Variants in ZNF385D observed in about 807,000 individuals in gnomAD.
ZNF385D encodes the protein zinc finger protein 385D.
A neutral mutation model predicts 35.8 loss-of-function variants in ZNF385D; 15 were observed. That is an observed-to-expected ratio of 0.42 (90% CI 0.28 to 0.64). The LOEUF (loss-of-function observed/expected upper bound fraction) is 0.64. ZNF385D is among the 30% of genes least tolerant of loss of function. The probability of loss-of-function intolerance (pLI) is 0.23; values close to 1 mark genes in which losing one functional copy is unlikely to be tolerated. For missense variants in ZNF385D, 474 were observed against 494.6 expected, an observed-to-expected ratio of 0.96 and a Z score of 0.39; for synonymous variants, 212 against 186.8, an observed-to-expected ratio of 1.13 and a Z score of -1.10.
At chr3:22,348,153 T>G (rs1324308868) in intron 2 of ZNF385D, among the ~76,000 whole-genome samples, 1 of 152,120 alleles carries the variant, frequency 6.6e-6, no homozygotes, top group East Asian at 1.9e-4. Flanking sequence ...ATTAACTGGC[T>G]TTTTCTTAAG....
At chr3:21,687,276 G>A (rs189486259) in intron 1 of ZNF385D, among the ~76,000 whole-genome samples, 81 of 152,288 alleles carry the variant, frequency 5.3e-4, no homozygotes, top group South Asian at 4.1e-4. Flanking sequence ...ATAGGCAGAG[G>A]AAGTGCTCAA....
At chr3:21,973,990 T>C (rs1160264113) in intron 3 of ZNF385D, among the ~76,000 whole-genome samples, 1 of 152,046 alleles carries the variant, frequency 6.6e-6, no homozygotes, top group East Asian at 1.9e-4. Context: ...AAAATGTATA[T>C]ATTGCTCAAA....
chr3:21,478,539 A>G (rs1704394001), intron 4 of ZNF385D, among the ~76,000 whole-genome samples: 1 of 152,216 alleles, frequency 6.6e-6, no homozygotes, highest in African/African-American at 2.4e-5. Flanking sequence ...AGTGAAGAAC[A>G]AACCTTTGTT....
chr3:21,453,880 A>G (rs953882661), intron 4 of ZNF385D, among the ~76,000 whole-genome samples: 3 of 152,092 alleles, frequency 2.0e-5, no homozygotes, highest in South Asian at 2.1e-4. Flanking sequence ...AACTAAAAAT[A>G]TATGTATAAA....
At chr3:22,116,138 A>G (rs576583275) in intron 3 of ZNF385D, among the ~76,000 whole-genome samples, 38 of 152,208 alleles carry the variant, frequency 2.5e-4, no homozygotes, top group Admixed American at 1.4e-3. Flanking sequence ...ATCTTTATAA[A>G]TCAGTGAATT....
chr3:22,094,617 C>A (rs1005249971), intron 3 of ZNF385D, among the ~76,000 whole-genome samples: 9 of 151,812 alleles, frequency 5.9e-5, no homozygotes, highest in African/African-American at 1.9e-4. Context: ...TTGAGGACAT[C>A]TCAGCCATCC....
At chr3:22,126,907 C>T (rs1177868701) in intron 3 of ZNF385D, among the ~76,000 whole-genome samples, 1 of 152,042 alleles carries the variant, frequency 6.6e-6, no homozygotes, top group Non-Finnish European at 1.5e-5. Flanking sequence ...TGAATTCATT[C>T]CTGTAAAATT....
intron 1 of ZNF385D, among the ~76,000 whole-genome samples, chr3:21,687,155 C>G (rs796610256): frequency 2.6e-5 from 4 of 152,120 alleles, no homozygotes; most frequent in Non-Finnish European, 5.9e-5. Flanking sequence ...GAACCCAGAT[C>G]CACAGTCAAC....
At chr3:21,864,196 G>C (rs904929505) in intron 3 of ZNF385D, among the ~76,000 whole-genome samples, 1 of 152,010 alleles carries the variant, frequency 6.6e-6, no homozygotes, top group Non-Finnish European at 1.5e-5. Context: ...TTAAAACCCT[G>C]AGTTCACTAC....
intron 1 of ZNF385D, among the ~76,000 whole-genome samples, chr3:21,690,284 G>A (rs976791816): frequency 2.6e-5 from 4 of 151,578 alleles, no homozygotes; most frequent in Admixed American, 6.6e-5. Flanking sequence ...TCCATATAAC[G>A]AAAATTCAAA....
intron 2 of ZNF385D, among the ~76,000 whole-genome samples, chr3:22,317,280 C>CAAAAAAAA (rs59675675): frequency 1.1e-4 from 3 of 26,098 alleles, no homozygotes; most frequent in African/African-American, 1.7e-4. Flanking sequence ...ACTCCATCTC[C>CAAAAAAAA]AAAAAAAAAA....
At chr3:22,245,679 A>T (rs1313786851) in intron 2 of ZNF385D, among the ~76,000 whole-genome samples, 1 of 146,230 alleles carries the variant, frequency 6.8e-6, no homozygotes, top group Admixed American at 6.9e-5. Flanking sequence ...ACTATGAAGG[A>T]TTCAAGTGAA....
At chr3:22,240,261 C>T (rs2093602184) in intron 2 of ZNF385D, among the ~76,000 whole-genome samples, 1 of 149,576 alleles carries the variant, frequency 6.7e-6, no homozygotes, top group African/African-American at 2.5e-5. Context: ...TTCTGGCTTG[C>T]AATGCAGTTT....
At chr3:22,235,208 C>A (rs2125304276) in intron 2 of ZNF385D, among the ~76,000 whole-genome samples, 2 of 152,178 alleles carry the variant, frequency 1.3e-5, no homozygotes, top group Middle Eastern at 6.8e-3. Context: ...AAAATCTGTG[C>A]ATTTCACATA....
chr3:21,698,517 T>C (rs2067551814), intron 1 of ZNF385D, among the ~76,000 whole-genome samples: 1 of 152,140 alleles, frequency 6.6e-6, no homozygotes, highest in Non-Finnish European at 1.5e-5. Flanking sequence ...TGTTCACTAC[T>C]TGGTTGATGG....
intron 2 of ZNF385D, among the ~76,000 whole-genome samples, chr3:22,170,581 C>T (rs1321057976): frequency 1.3e-5 from 2 of 152,154 alleles, no homozygotes; most frequent in Non-Finnish European, 2.9e-5. Context: ...CTCTATCTCT[C>T]TTACTCAGAT....
At chr3:22,144,478 G>T (rs7637851) in intron 3 of ZNF385D, among the ~76,000 whole-genome samples, 7,256 of 146,874 alleles carry the variant, frequency 0.049, 571 homozygotes, top group African/African-American at 0.17. Context: ...GGAGGCTAAG[G>T]CAGGAAATTG....
intron 4 of ZNF385D, among the ~76,000 whole-genome samples, chr3:21,500,739 C>G (rs1706298746): frequency 6.6e-6 from 1 of 152,136 alleles, no homozygotes; most frequent in Non-Finnish European, 1.5e-5. Flanking sequence ...AGGGTTAGAT[C>G]ACTAAAGAGT....
At chr3:22,158,394 C>G (rs1034408457) in intron 3 of ZNF385D, among the ~76,000 whole-genome samples, 6 of 152,012 alleles carry the variant, frequency 3.9e-5, no homozygotes. Flanking sequence ...GTGTTTAGGT[C>G]CAGTGTTTTA....
Sources: gnomAD v4.1 joint callset for allele counts (sites outside exome capture counted in the v4.1 genomes callset) on GRCh38, gnomAD v4.1.1 for gene constraint, MANE v1.5 for transcripts, NCBI Gene and HGNC (gene_info 2026-07-23, HGNC 2026-07-21) for gene names.